The following RUNX2 variants were observed in gnomAD, a reference collection of about 807,000 sequenced individuals.
The protein encoded by RUNX2 is runt-related transcription factor 2.
RUNX2 carries 10 observed loss-of-function variants against 51.7 expected under a neutral mutation model. The observed-to-expected ratio is 0.19, with a 90% CI of 0.12 to 0.33. RUNX2 has a LOEUF of 0.33. RUNX2 is among the 10% of genes least tolerant of loss of function. The pLI, the probability that RUNX2 is intolerant of heterozygous loss-of-function variation, is 1.00. For missense variants in RUNX2, 562 were observed against 691.3 expected (o/e 0.81, Z 2.10); for synonymous variants, 276 against 273.6 (o/e 1.01, Z -0.09).
At chr6:45,407,143 TCTCA>T (rs1334855254) in intron 2 of RUNX2, among the ~76,000 whole-genome samples, 7 of 152,120 alleles carry the variant, frequency 4.6e-5, no homozygotes, top group African/African-American at 1.4e-4. Flanking sequence ...TGAGATGGGG[TCTCA>T]CTCTGGAGTG....
intron 7 of RUNX2, among the ~76,000 whole-genome samples, chr6:45,530,323 A>G (rs185844022): frequency 4.1e-4 from 62 of 152,380 alleles, no homozygotes; most frequent in African/African-American, 1.5e-3. Context: ...TCAAATAAGC[A>G]GTACCACTTT....
intron 5 of RUNX2, among the ~76,000 whole-genome samples, chr6:45,444,288 T>C (rs1344469285): frequency 6.6e-6 from 1 of 152,194 alleles, no homozygotes; most frequent in East Asian, 1.9e-4. Context: ...GTAAACCATA[T>C]TTACTCTCAA....
chr6:45,450,580 A>C (rs1406598349), intron 5 of RUNX2, among the ~76,000 whole-genome samples: 1 of 152,196 alleles, frequency 6.6e-6, no homozygotes, highest in East Asian at 1.9e-4. Context: ...AACTGATGTC[A>C]TAGTAAAGAG....
intron 5 of RUNX2, among the ~76,000 whole-genome samples, chr6:45,465,894 C>A (rs1317129461): frequency 6.6e-6 from 1 of 152,024 alleles, no homozygotes; most frequent in African/African-American, 2.4e-5. Context: ...AATACACCCA[C>A]CTTGGCCTCT....
intron 2 of RUNX2, among the ~76,000 whole-genome samples, chr6:45,375,185 C>A (rs1270631623): frequency 1.3e-5 from 2 of 152,158 alleles, no homozygotes; most frequent in Non-Finnish European, 2.9e-5. Flanking sequence ...CCAATCTGGG[C>A]AACAAGAGTG....
intron 2 of RUNX2, among the ~76,000 whole-genome samples, chr6:45,348,753 A>G (rs1791439979): frequency 6.6e-6 from 1 of 151,946 alleles, no homozygotes; most frequent in Non-Finnish European, 1.5e-5. Context: ...GGAAGATGTT[A>G]GTGCACATTA....
At chr6:45,536,188 C>T (rs1802027923) in intron 7 of RUNX2, among the ~76,000 whole-genome samples, 1 of 151,960 alleles carries the variant, frequency 6.6e-6, no homozygotes, top group Non-Finnish European at 1.5e-5. Flanking sequence ...AACCCGGAAG[C>T]CCCTTATGTA....
At chr6:45,441,391 G>A (rs1310827327) in intron 5 of RUNX2, among the ~76,000 whole-genome samples, 1 of 152,126 alleles carries the variant, frequency 6.6e-6, no homozygotes, top group Non-Finnish European at 1.5e-5. Context: ...CTGTATGGAG[G>A]CAGGCAAGTT....
intron 7 of RUNX2, among the ~76,000 whole-genome samples, chr6:45,543,834 G>A (rs1802306994): frequency 6.6e-6 from 1 of 151,712 alleles, no homozygotes; most frequent in Non-Finnish European, 1.5e-5. Flanking sequence ...GAAAATTTAA[G>A]GATATTATTT....
At chr6:45,415,847 C>G (rs1178944351) in intron 2 of RUNX2, among the ~76,000 whole-genome samples, 1 of 151,922 alleles carries the variant, frequency 6.6e-6, no homozygotes, top group Admixed American at 6.6e-5. Flanking sequence ...GAATTTGGAG[C>G]TGCAAGACAA....
intron 5 of RUNX2, among the ~76,000 whole-genome samples, chr6:45,467,844 T>C (rs1799681008): frequency 6.6e-6 from 1 of 152,236 alleles, no homozygotes; most frequent in Non-Finnish European, 1.5e-5. Flanking sequence ...TTTTGATCTT[T>C]AAATAATATA....
intron 2 of RUNX2, among the ~76,000 whole-genome samples, chr6:45,342,640 C>T (rs1053480577): frequency 3.3e-5 from 5 of 152,246 alleles, no homozygotes; most frequent in Middle Eastern, 3.4e-3. Flanking sequence ...AAGGTTTACA[C>T]AGTAGCAGGA....
intron 2 of RUNX2, among the ~76,000 whole-genome samples, chr6:45,368,255 G>A (rs186156455): frequency 6.6e-6 from 1 of 152,228 alleles, no homozygotes; most frequent in Admixed American, 6.5e-5. Context: ...GAGTTTAAAT[G>A]TGAACCCAAG....
chr6:45,354,761 A>G (rs1792810617), intron 2 of RUNX2, among the ~76,000 whole-genome samples: 2 of 152,088 alleles, frequency 1.3e-5, no homozygotes, highest in Admixed American at 1.3e-4. Context: ...GTACTTTGGG[A>G]GGCTGAGGCA....
At chr6:45,416,444 C>T (rs532388820) in intron 2 of RUNX2, among the ~76,000 whole-genome samples, 4 of 152,262 alleles carry the variant, frequency 2.6e-5, no homozygotes, top group African/African-American at 7.2e-5. Flanking sequence ...TAGCACCTTC[C>T]TTGGTGACTT....
intron 5 of RUNX2, among the ~76,000 whole-genome samples, chr6:45,486,545 A>T (rs1387408849): frequency 2.0e-5 from 3 of 152,230 alleles, no homozygotes; most frequent in African/African-American, 7.2e-5. Flanking sequence ...AAGTTAAAAT[A>T]CTACTCCAAA....
chr6:45,469,388 T>A lies in RUNX2; in HGVS notation c.686-22553T>A, dbSNP rs569354070. 4.3e-4 allele frequency among the ~76,000 whole-genome samples: 66 copies of A among 152,378 alleles called. No individual in the cohort carries two copies. In the South Asian group the frequency reaches 0.013, roughly 29 times the overall value. On this transcript the variant is annotated intron_variant, in intron 5 of 8. Coordinates refer to ENST00000647337, the MANE Select transcript of RUNX2 (RefSeq NM_001024630.4). ...TATTTTAACATTTAAAACTTACTTT[T>A]GTTTTTATAACATTTACATTTTATC...
At chr6:45,347,767 A>C in intron 2 of RUNX2, among the ~76,000 whole-genome samples, 1 of 146,582 alleles carries the variant, frequency 6.8e-6, no homozygotes, top group East Asian at 2.0e-4. Context: ...TCTTTTTTTT[A>C]AAAAAAAAAG....
At chr6:45,362,266 C>G (rs1448008871) in intron 2 of RUNX2, among the ~76,000 whole-genome samples, 1 of 152,140 alleles carries the variant, frequency 6.6e-6, no homozygotes, top group Admixed American at 6.6e-5. Context: ...AGAAATGACA[C>G]TACAATATTG....
Sources: allele counts gnomAD v4.1 joint callset (sites outside exome capture counted in the v4.1 genomes callset), GRCh38; gene constraint gnomAD v4.1.1; transcripts MANE v1.5; gene names NCBI Gene and HGNC (gene_info 2026-07-23, HGNC 2026-07-21).